The following MYO3B variants were observed in gnomAD, a reference collection of about 807,000 sequenced individuals.
The protein encoded by MYO3B is myosin IIIB.
MYO3B carries 156 observed loss-of-function variants against 174.6 expected under a neutral mutation model. The ratio of observed to expected loss-of-function variants is 0.89; its 90% confidence interval spans 0.78 to 1.02. The LOEUF (loss-of-function observed/expected upper bound fraction) is 1.02. Among genes scored for constraint, MYO3B ranks in the 50% least tolerant of loss-of-function variants. The pLI, the probability that MYO3B is intolerant of heterozygous loss-of-function variation, is 0.00. For synonymous variants in MYO3B, 563 were observed against 569.1 expected (o/e 0.99, Z 0.15); for missense variants, 1,632 against 1,639.4 (o/e 1.00, Z 0.08).
chr2:170,311,173 GC>G (rs2093736803), intron 7 of MYO3B, among the ~76,000 whole-genome samples: 1 of 151,990 alleles, frequency 6.6e-6, no homozygotes, highest in African/African-American at 2.4e-5. Flanking sequence ...CTGTGTTTTA[GC>G]CTTTTGAAGA....
intron 22 of MYO3B, among the ~76,000 whole-genome samples, chr2:170,436,432 CATT>C (rs1190252570): frequency 6.6e-6 from 1 of 152,192 alleles, no homozygotes. Flanking sequence ...GCTTCCCACT[CATT>C]ATAAAGCTCC....
intron 7 of MYO3B, among the ~76,000 whole-genome samples, chr2:170,281,308 A>G (rs1372957207): frequency 6.6e-6 from 1 of 152,150 alleles, no homozygotes; most frequent in Non-Finnish European, 1.5e-5. Context: ...TCCCAAAAAC[A>G]ATATATATTC....
chr2:170,443,911 T>C (rs2094820992), intron 22 of MYO3B, 56 bp from the exon 23 acceptor site: 1 of 1,443,760 alleles, frequency 6.9e-7, no homozygotes. Context: ...AAATTACTCA[T>C]GATCCTATTT....
chr2:170,624,603 T>G (rs1034015151), intron 32 of MYO3B, among the ~76,000 whole-genome samples: 1 of 152,292 alleles, frequency 6.6e-6, no homozygotes, highest in Non-Finnish European at 1.5e-5. Context: ...CAACACTATG[T>G]TGGATAGGAG....
At chr2:170,195,341 A>G (rs1034095085) in intron 1 of MYO3B, among the ~76,000 whole-genome samples, 1 of 152,086 alleles carries the variant, frequency 6.6e-6, no homozygotes, top group African/African-American at 2.4e-5. Flanking sequence ...TGAGAAGAAC[A>G]GAAGAACGGC....
intron 25 of MYO3B, 121 bp from the exon 26 acceptor site, chr2:170,498,471 T>C (rs936055182): frequency 3.0e-6 from 2 of 669,532 alleles, no homozygotes; most frequent in South Asian, 1.9e-5. Context: ...ACTATGCTAT[T>C]ATTGGTGCTC....
intron 32 of MYO3B, among the ~76,000 whole-genome samples, chr2:170,597,646 A>T (rs1449588467): frequency 6.6e-6 from 1 of 152,106 alleles, no homozygotes; most frequent in African/African-American, 2.4e-5. Flanking sequence ...GGTTAGGGGA[A>T]AAAAAAGAAA....
intron 1 of MYO3B, among the ~76,000 whole-genome samples, chr2:170,179,261 G>C (rs1002959425): frequency 2.0e-5 from 3 of 152,144 alleles, no homozygotes; most frequent in Admixed American, 6.5e-5. Context: ...AACCATAAAG[G>C]TCAGTTCTAG....
intron 12 of MYO3B, 164 bp from the exon 13 acceptor site, chr2:170,386,025 C>T: frequency 1.8e-6 from 1 of 554,758 alleles, no homozygotes; most frequent in Non-Finnish European, 3.2e-6. Flanking sequence ...CAACAAGTAG[C>T]TATACAAAAG....
chr2:170,327,719 C>G (rs931698318), intron 7 of MYO3B, among the ~76,000 whole-genome samples: 13 of 151,992 alleles, frequency 8.6e-5, no homozygotes, highest in African/African-American at 2.9e-4. Context: ...CTGGACGAAT[C>G]TTTCACATTT....
chr2:170,255,826 A>G (rs1016077758), intron 7 of MYO3B, among the ~76,000 whole-genome samples: 4 of 152,270 alleles, frequency 2.6e-5, no homozygotes, highest in Admixed American at 1.3e-4. Flanking sequence ...AATGACAGAC[A>G]TAGAATTAGG....
rs1051468731 is a variant in MYO3B, at chr2:170,357,368, T to A, written c.816-11854T>A. On this transcript the variant is annotated intron_variant, in intron 8 of 34. Transcript: ENST00000408978. ...ATATATATATTTTATATATTATATATTTATATGTGTATTATATATTATATT... is the reference window on the plus strand; with the variant it reads ...ATATATATATTTTATATATTATATAATTATATGTGTATTATATATTATATT... Among the ~76,000 whole-genome samples, 54 of 143,624 alleles carry A rather than the reference T, an allele frequency of 3.8e-4. 1 individual carries two copies. Among genetic ancestry groups the A allele is most frequent in the African/African-American group, 1.3e-3 (52 of 39,790 alleles). The allele number at this position is 143,624 out of a possible 152,430, so 94.2% of individuals were successfully genotyped here.
chr2:170,553,254 A>G (rs1421180385), intron 32 of MYO3B, among the ~76,000 whole-genome samples: 1 of 152,190 alleles, frequency 6.6e-6, no homozygotes, highest in East Asian at 1.9e-4. Flanking sequence ...ACCTTGCACT[A>G]TGTGCCTAGA....
intron 22 of MYO3B, among the ~76,000 whole-genome samples, chr2:170,427,145 G>A (rs192542694): frequency 5.5e-4 from 84 of 152,262 alleles, no homozygotes; most frequent in African/African-American, 1.8e-3. Flanking sequence ...TGAGTTTAAA[G>A]GACTCAGACA....
At chr2:170,637,933 A>T (rs1192969660) in intron 32 of MYO3B, among the ~76,000 whole-genome samples, 2 of 152,166 alleles carry the variant, frequency 1.3e-5, no homozygotes, top group African/African-American at 4.8e-5. Flanking sequence ...TTTTTTGAAG[A>T]TTAAGACTGA....
At chr2:170,274,697 CTA>C (rs1191675725) in intron 7 of MYO3B, among the ~76,000 whole-genome samples, 1 of 152,068 alleles carries the variant, frequency 6.6e-6, no homozygotes, top group Non-Finnish European at 1.5e-5. Context: ...TTCCATGACT[CTA>C]TGTGCTTATC....
At chr2:170,641,730 C>T (rs1697964155) in intron 32 of MYO3B, among the ~76,000 whole-genome samples, 1 of 151,972 alleles carries the variant, frequency 6.6e-6, no homozygotes, top group African/African-American at 2.4e-5. Context: ...AAAAGACAAA[C>T]TTTTCACTGC....
In MYO3B at chr2:170,273,579, C is replaced by T. The variant is rs2093440614; in HGVS notation, c.749+37443C>T. Among the ~76,000 whole-genome samples the T allele has an allele frequency of 2.0e-5, 3 of 152,120 alleles. No individual in the cohort carries two copies. The South Asian group carries it at 6.2e-4, about 31-fold the overall frequency. On this transcript the variant is annotated intron_variant, in intron 7 of 34. Transcript: ENST00000408978. ...CTTTCATCGTTCTTTATGTTTAACA[C>T]ATACTGTATCATCTGCCTGGGATGC...
In MYO3B at chr2:170,430,717, A is replaced by G. The variant is rs59762148; in HGVS notation, c.2651-13250A>G. ...AAACATCTCACCTGAGTGAATTAAT[A>G]AATTTCTTTGTCCATTAACAAATTA... is the stretch of plus-strand genomic sequence containing the variant. On this transcript the variant is annotated intron_variant, in intron 22 of 34. Coordinates refer to ENST00000408978, the MANE Select transcript of MYO3B (RefSeq NM_138995.5). Among the ~76,000 whole-genome samples, 642 of 152,322 alleles carry G rather than the reference A, an allele frequency of 4.2e-3. 3 individuals carry two copies. The highest frequency in any genetic ancestry group is 0.015 in the African/African-American group (627 of 41,562).
Sources: allele counts gnomAD v4.1 joint callset (sites outside exome capture counted in the v4.1 genomes callset), GRCh38; gene constraint gnomAD v4.1.1; transcripts MANE v1.5; gene names NCBI Gene and HGNC (gene_info 2026-07-23, HGNC 2026-07-21).